Variants in AHCY observed in about 807,000 individuals in gnomAD.
AHCY encodes S-adenosyl-L-homocysteine hydrolase.
In AHCY, 24 loss-of-function variants were observed where a neutral mutation model predicts 45.4. The observed-to-expected ratio is 0.53, with a 90% CI of 0.38 to 0.74. The LOEUF (loss-of-function observed/expected upper bound fraction) is 0.74, where lower values mean the gene tolerates loss of function less well. Ranked by LOEUF, AHCY falls within the 30% of genes least tolerant of loss-of-function variation. The pLI, the probability that AHCY is intolerant of heterozygous loss-of-function variation, is 0.00. For synonymous variants in AHCY, 245 were observed against 235.1 expected (o/e 1.04, Z -0.39); for missense variants, 449 against 594.1 (o/e 0.76, Z 2.54).
rs375267824 is a variant in AHCY at position 34,286,692 on chromosome 20, G to A, written c.973-1058C>T. On this transcript the variant is annotated intron_variant, in intron 8 of 9. Transcript: ENST00000217426. The stretch of plus-strand genomic sequence containing the variant: ...CTACTAAAAACACAAAATTAGCCAG[G>A]CATGGTAGCACATGCCTGTAATCCC... Among the ~76,000 whole-genome samples the A allele has an allele frequency of 4.6e-5, 7 of 151,996 alleles. No homozygotes were observed. The East Asian group carries it at 1.2e-3, about 25-fold the overall frequency.
intron 1 of AHCY, among the ~76,000 whole-genome samples, chr20:34,298,605 C>CGGGGGGGGGGGGGGGGGGGGGG (rs1469112892): frequency 3.2e-5 from 1 of 31,264 alleles, no homozygotes; most frequent in Non-Finnish European, 6.7e-5. Context: ...GTGGCGGCGG[C>CGGGGGGGGGGGGGGGGGGGGGG]GGGAGGGGGG....
chr20:34,302,902 C>G (rs985530095), intron 1 of AHCY: 1 of 985,466 alleles, frequency 1.0e-6, no homozygotes, highest in Non-Finnish European at 1.2e-6. Flanking sequence ...GGAGGCCGGG[C>G]GCAGGCCCCC....
downstream of AHCY, among the ~76,000 whole-genome samples, chr20:34,279,185 C>CG (rs2035940779): frequency 6.8e-6 from 1 of 146,708 alleles, no homozygotes; most frequent in East Asian, 2.0e-4. Flanking sequence ...GTGGCCGAGG[C>CG]GGGTGGATCA....
At chr20:34,268,715 C>G in the AHCY span, among the ~76,000 whole-genome samples, 1 of 150,784 alleles carries the variant, frequency 6.6e-6, no homozygotes, top group South Asian at 2.1e-4. Flanking sequence ...GCCTGGCTGA[C>G]AGAGTGAAAC....
At chr20:34,261,780 TGACA>T in the AHCY span, among the ~76,000 whole-genome samples, 11 of 150,090 alleles carry the variant, frequency 7.3e-5, no homozygotes, top group Admixed American at 6.0e-4. Context: ...CCAGCCTGGG[TGACA>T]GACAGACCCT....
intron 2 of AHCY, among the ~76,000 whole-genome samples, chr20:34,294,410 CAG>C (rs1423964740): frequency 6.6e-6 from 1 of 152,128 alleles, no homozygotes; most frequent in Admixed American, 6.5e-5. Context: ...GGGACAACTG[CAG>C]AGACTGTTGG....
the AHCY span, chr20:34,269,221 C>T: frequency 1.4e-6 from 2 of 1,436,516 alleles, no homozygotes; most frequent in East Asian, 2.6e-5. Flanking sequence ...CGGGGCGCTT[C>T]TCGGGCGGGT....
the AHCY span, among the ~76,000 whole-genome samples, chr20:34,248,199 C>A: frequency 6.6e-6 from 1 of 150,476 alleles, no homozygotes; most frequent in Non-Finnish European, 1.5e-5. Context: ...AGCAAGACTC[C>A]ATCTAAAAAA....
At chr20:34,300,927 C>A (rs776366653) in intron 1 of AHCY, among the ~76,000 whole-genome samples, 5 of 152,204 alleles carry the variant, frequency 3.3e-5, no homozygotes, top group African/African-American at 9.6e-5. Flanking sequence ...GTCTGTGCCA[C>A]CCCTGTCTCT....
upstream of AHCY, among the ~76,000 whole-genome samples, chr20:34,305,061 A>G (rs566625612): frequency 1.3e-5 from 2 of 150,794 alleles, no homozygotes; most frequent in South Asian, 4.2e-4. Context: ...CACGCCTGTA[A>G]TCCCAGCACA....
chr20:34,295,629 CACCA>C (rs1255882419), intron 1 of AHCY, 44 bp from the exon 2 acceptor site: 1 of 1,599,974 alleles, frequency 6.3e-7, no homozygotes, highest in Non-Finnish European at 8.5e-7. Flanking sequence ...CCCCTCATCC[CACCA>C]ACCAAGAGGG....
Position 34,292,379 on chromosome 20 carries a change from T to G in AHCY, c.424A>C (p.Lys142Gln), listed in dbSNP as rs11552699. The change falls in exon 4 of 10, where the codon AAG becomes CAG. Residue 142 changes from lysine to glutamine, a missense_variant. Transcript: ENST00000217426. ...TCACCTGGCAGAAGCTGCGGGTACT[T>G]GGTGTGGATGAGGTTGGTGAGGTCG... The part of the protein sequence containing the change: ...GGDLTNLIHT[K>Q]YPQLLPGIRG... 1 of 1,613,468 alleles carries G rather than the reference T, an allele frequency of 6.2e-7. No individual in the cohort carries two copies. The highest frequency in any genetic ancestry group is 8.5e-7 in the Non-Finnish European group (1 of 1,180,018).
chr20:34,261,808 A>G, the AHCY span, among the ~76,000 whole-genome samples: 54 of 152,092 alleles, frequency 3.6e-4, no homozygotes, highest in Non-Finnish European at 5.9e-4. Flanking sequence ...TCAAAAAAGA[A>G]ATTTTTTAAT....
In AHCY at chr20:34,290,834, A is replaced by G. The variant is rs58020044; in HGVS notation, c.663T>C (p.Tyr221=). The G allele has an allele frequency of 4.1e-4, 658 of 1,613,986 alleles. 8 individuals are homozygous for G. The South Asian group carries it at 5.2e-3, about 13-fold the overall frequency. The change falls in exon 6 of 10, where the codon TAT becomes TAC. Residue 221 remains tyrosine, a synonymous_variant. Coordinates refer to ENST00000217426, the MANE Select transcript of AHCY (RefSeq NM_000687.4). This position sits in a 1 kb window ranked among gnomAD's most constrained non-coding sequence, Gnocchi z 4.5. The part of the protein sequence containing the change: ...IAGKVAVVAG[Y]GDVGKGCAQA... Reference sequence around the variant, plus strand: ...GGGCACAGCCCTTGCCCACATCACCATAGCCTGCTACCACCGCTACCTTGC... The same window carrying G: ...GGGCACAGCCCTTGCCCACATCACCGTAGCCTGCTACCACCGCTACCTTGC...
the AHCY span, among the ~76,000 whole-genome samples, chr20:34,269,946 TAAAAAAAAAAAA>T: frequency 0.046 from 2,706 of 59,334 alleles, 82 homozygotes; most frequent in African/African-American, 0.11. Flanking sequence ...AACTCTGTCT[TAAAAAAAAAAAA>T]AAAAAAAAAA....
chr20:34,288,896 CT>C (rs1172661308), intron 8 of AHCY, among the ~76,000 whole-genome samples: 2 of 152,214 alleles, frequency 1.3e-5, no homozygotes, highest in Non-Finnish European at 2.9e-5. Flanking sequence ...AAGAACTCAT[CT>C]TCCAGTTTCA....
the AHCY span, among the ~76,000 whole-genome samples, chr20:34,274,001 G>A: frequency 6.6e-6 from 1 of 152,060 alleles, no homozygotes; most frequent in African/African-American, 2.4e-5. Context: ...TGATGATATT[G>A]ACAATTATTA....
At chr20:34,261,927 A>C in the AHCY span, among the ~76,000 whole-genome samples, 1 of 152,146 alleles carries the variant, frequency 6.6e-6, no homozygotes, top group Non-Finnish European at 1.5e-5. Flanking sequence ...AGCCTGGCCA[A>C]CATGGCAAAA....
chr20:34,239,506 G>C, the AHCY span, among the ~76,000 whole-genome samples: 1 of 152,096 alleles, frequency 6.6e-6, no homozygotes, highest in Non-Finnish European at 1.5e-5. Flanking sequence ...AGCCTTACTT[G>C]GTGGGTCATA....
Sources: allele counts gnomAD v4.1 joint callset (sites outside exome capture counted in the v4.1 genomes callset), GRCh38; gene constraint gnomAD v4.1.1; non-coding constraint Gnocchi (gnomAD v3.1); transcripts MANE v1.5; gene names NCBI Gene and HGNC (gene_info 2026-07-23, HGNC 2026-07-21).